The following PREP variants were observed in gnomAD, a reference collection of about 807,000 sequenced individuals.
PREP encodes the protein dJ355L5.1 (prolyl endopeptidase).
PREP carries 29 observed loss-of-function variants against 87.6 expected under a neutral mutation model. The ratio of observed to expected loss-of-function variants is 0.33; its 90% CI spans 0.25 to 0.45. The LOEUF is 0.45. PREP is among the 20% of genes least tolerant of loss of function. The pLI is 1.00. For synonymous variants in PREP, 337 were observed against 328.6 expected (o/e 1.03, Z -0.28); for missense variants, 695 against 886.5 (o/e 0.78, Z 2.74).
intron 11 of PREP, among the ~76,000 whole-genome samples, chr6:105,288,009 C>T (rs1056811256): frequency 7.9e-5 from 12 of 152,128 alleles, no homozygotes; most frequent in African/African-American, 2.7e-4. Context: ...ATACAGAAAA[C>T]ATTTATGGCT....
intron 6 of PREP, among the ~76,000 whole-genome samples, chr6:105,362,093 G>A (rs1772262909): frequency 6.6e-6 from 1 of 152,174 alleles, no homozygotes; most frequent in Non-Finnish European, 1.5e-5. Flanking sequence ...AAATAATGTA[G>A]GACTTGACAT....
chr6:105,306,012 TA>T (rs1770646087), intron 10 of PREP, among the ~76,000 whole-genome samples: 1 of 152,010 alleles, frequency 6.6e-6, no homozygotes, highest in African/African-American at 2.4e-5. Context: ...TGGCTAATTT[TA>T]AAATTTTTTG....
chr6:105,314,995 G>C (rs1453406253), intron 10 of PREP, among the ~76,000 whole-genome samples: 2 of 152,164 alleles, frequency 1.3e-5, no homozygotes, highest in Non-Finnish European at 2.9e-5. Flanking sequence ...TGGGTGACTA[G>C]GTGCATTGTC....
At chr6:105,328,633 A>C (rs1184326554) in intron 9 of PREP, among the ~76,000 whole-genome samples, 196 bp downstream of exon 9, 1 of 152,200 alleles carries the variant, frequency 6.6e-6, no homozygotes, top group Non-Finnish European at 1.5e-5. Context: ...AAGATTAATG[A>C]GAGTGCCATT....
intron 11 of PREP, among the ~76,000 whole-genome samples, 164 bp downstream of exon 11, chr6:105,288,594 T>C (rs1250252121): frequency 5.9e-5 from 9 of 152,172 alleles, no homozygotes; most frequent in Admixed American, 5.2e-4. Flanking sequence ...TGACCTCAGG[T>C]GATCCGCCTG....
intron 10 of PREP, among the ~76,000 whole-genome samples, chr6:105,319,640 A>C (rs917463590): frequency 6.6e-6 from 1 of 152,248 alleles, no homozygotes; most frequent in African/African-American, 2.4e-5. Context: ...ACAAAAAAGC[A>C]GAAGCAGTCT....
chr6:105,281,730 G>C lies in PREP; in HGVS notation c.1838+16C>G. On this transcript the variant is annotated intron_variant, in intron 14 of 14. Transcript: ENST00000652536. ...ATCAAACCACTAACAACATATATAT[G>C]TCAATAAAACCTTACTTGACAAGCC... 1 of 1,611,052 alleles carries C rather than the reference G, an allele frequency of 6.2e-7. No homozygotes were observed.
intron 8 of PREP, among the ~76,000 whole-genome samples, chr6:105,332,463 C>T (rs1484986742): frequency 6.6e-6 from 1 of 152,148 alleles, no homozygotes; most frequent in East Asian, 1.9e-4. Context: ...ACTGCTTTAT[C>T]TTAGACAGGG....
At chr6:105,378,861 A>G (rs1772762602) in intron 2 of PREP, among the ~76,000 whole-genome samples, 1 of 152,306 alleles carries the variant, frequency 6.6e-6, no homozygotes, top group Middle Eastern at 3.4e-3. Flanking sequence ...ACTTTTGGAT[A>G]TATCATCAAA....
intron 7 of PREP, among the ~76,000 whole-genome samples, chr6:105,349,003 C>T (rs1771873512): frequency 6.6e-6 from 1 of 152,064 alleles, no homozygotes; most frequent in Non-Finnish European, 1.5e-5. Flanking sequence ...GGACATGACT[C>T]TTTGGAGACG....
Position 105,278,258 on chromosome 6 carries a change from G to A in PREP, c.2019C>T (p.His673=), listed in dbSNP as rs775864952. The part of the protein sequence containing the change: ...SRKQSNPLLI[H]VDTKAGHGAG... ...CCCCGTGGCCCGCCTTGGTGTCCACGTGGATAAGCAGGGGGTTGCTTTGCT... is the reference window on the plus strand; with the variant it reads ...CCCCGTGGCCCGCCTTGGTGTCCACATGGATAAGCAGGGGGTTGCTTTGCT... The change falls in exon 15 of 15, where the codon CAC becomes CAT. Residue 673 remains histidine, a synonymous_variant. Coordinates refer to ENST00000652536, the MANE Select transcript of PREP (RefSeq NM_002726.5). The surrounding 1 kb of genome is among the most constrained non-coding windows in gnomAD (Gnocchi z 4.2). 29 of 1,614,232 alleles carry A rather than the reference G, an allele frequency of 1.8e-5. No individual in the cohort carries two copies. The Middle Eastern group carries it at 8.3e-4, about 46-fold the overall frequency.
At chr6:105,340,781 A>C (rs1332603285) in intron 7 of PREP, among the ~76,000 whole-genome samples, 1 of 152,220 alleles carries the variant, frequency 6.6e-6, no homozygotes. Context: ...CAAAGATCAA[A>C]AGAGACAAAG....
At chr6:105,321,055 T>C (rs1355227390) in intron 10 of PREP, among the ~76,000 whole-genome samples, 1 of 152,230 alleles carries the variant, frequency 6.6e-6, no homozygotes, top group East Asian at 1.9e-4. Flanking sequence ...TCAATGATGT[T>C]GTGACATCAT....
At chr6:105,288,927 G>C in intron 10 of PREP, 33 bp from the exon 11 acceptor site, 1 of 1,591,186 alleles carries the variant, frequency 6.3e-7, no homozygotes. Flanking sequence ...ATAAGATTTA[G>C]CATTACTTAG....
intron 2 of PREP, among the ~76,000 whole-genome samples, chr6:105,389,135 T>G (rs1338517420): frequency 1.3e-5 from 2 of 152,256 alleles, no homozygotes; most frequent in Non-Finnish European, 2.9e-5. Context: ...AGTCAGAAAG[T>G]ATGTACCCTG....
At chr6:105,347,702 T>C (rs980423903) in intron 7 of PREP, among the ~76,000 whole-genome samples, 1 of 152,090 alleles carries the variant, frequency 6.6e-6, no homozygotes, top group Non-Finnish European at 1.5e-5. Context: ...CTAAAGTATA[T>C]AAGGCAACTT....
At position 105,275,990 on chromosome 6, in the gene PREP, G is replaced by A. The variant is rs1769923550; in HGVS notation, c.*2154C>T. 6.6e-6 allele frequency among the ~76,000 whole-genome samples: 1 copy of A among 152,216 alleles called. No individual in the cohort carries two copies. Among genetic ancestry groups the A allele is most frequent in the South Asian group, 2.1e-4 (1 of 4,830 alleles). ...TCTATAGTTTACAATAATCTACTGT[G>A]CATTTCAAAATAGCTAGAAGAGAGT... On this transcript the variant is annotated 3_prime_UTR_variant, in exon 15 of 15. Transcript: ENST00000652536.
intron 1 of PREP, 144 bp from the exon 2 acceptor site, chr6:105,398,071 C>A: frequency 1.5e-6 from 1 of 645,230 alleles, no homozygotes; most frequent in South Asian, 2.0e-5. Flanking sequence ...CAAATTACCA[C>A]ATGAACCAAA....
chr6:105,359,145 T>C (rs1583079911), intron 6 of PREP, among the ~76,000 whole-genome samples: 1 of 152,160 alleles, frequency 6.6e-6, no homozygotes, highest in African/African-American at 2.4e-5. Context: ...CCAAGATTTA[T>C]CAAGAGTCTA....
Sources: allele counts gnomAD v4.1 joint callset (sites outside exome capture counted in the v4.1 genomes callset), GRCh38; gene constraint gnomAD v4.1.1; non-coding constraint Gnocchi (gnomAD v3.1); transcripts MANE v1.5; gene names NCBI Gene and HGNC (gene_info 2026-07-23, HGNC 2026-07-21).